ABLIM1: variants seen among roughly 807,000 people sequenced by gnomAD.
ABLIM1 encodes actin-binding LIM protein 1.
ABLIM1 carries 40 observed loss-of-function variants against 107.0 expected under a neutral mutation model. The ratio of observed to expected loss-of-function variants is 0.37; its 90% CI spans 0.29 to 0.49. The LOEUF is 0.49. Ranked by LOEUF, ABLIM1 falls within the 20% of genes least tolerant of loss-of-function variation. The pLI, the probability that ABLIM1 is intolerant of heterozygous loss-of-function variation, is 0.97. For synonymous variants in ABLIM1, 357 were observed against 357.3 expected (o/e 1.00, Z 0.01); for missense variants, 857 against 1,008.5 (o/e 0.85, Z 2.04).
At chr10:114,440,766 G>A (rs2139144547) in intron 19 of ABLIM1, 5 of 591,780 alleles carry the variant, frequency 8.4e-6, no homozygotes, top group South Asian at 7.8e-5. Flanking sequence ...TGGCCTCTAG[G>A]TATCTGATAG....
rs11380542 is a variant in ABLIM1, at chr10:114,463,573, G to GTT, written c.1441+2123_1441+2124dup. 4.7e-4 allele frequency among the ~76,000 whole-genome samples: 71 copies of GTT among 150,422 alleles called. 1 individual carries two copies. The highest frequency in any genetic ancestry group is 9.0e-4 in the African/African-American group (37 of 41,024). ...CATTGTATTTATATGTAAGGGTCAGGTTTTTTTTTTCTTAAGCAAACATCC... is the reference window on the plus strand; with the variant it reads ...CATTGTATTTATATGTAAGGGTCAGGTTTTTTTTTTTTCTTAAGCAAACATCC... On this transcript the variant is annotated intron_variant, in intron 12 of 22. Coordinates refer to ENST00000533213, the MANE Select transcript of ABLIM1 (RefSeq NM_002313.7).
chr10:114,439,954 T>C, intron 20 of ABLIM1, 128 bp downstream of exon 20: 1 of 1,497,620 alleles, frequency 6.7e-7, no homozygotes, highest in Non-Finnish European at 9.1e-7. Context: ...TATAGAGTAA[T>C]GACTAGAGAG....
chr10:114,668,759 G>A (rs1272313549), intron 1 of ABLIM1, among the ~76,000 whole-genome samples: 1 of 152,194 alleles, frequency 6.6e-6, no homozygotes, highest in African/African-American at 2.4e-5. Flanking sequence ...GTGGAAAGAG[G>A]TAACAATGAG....
intron 4 of ABLIM1, among the ~76,000 whole-genome samples, chr10:114,565,306 A>G (rs925239752): frequency 6.6e-6 from 1 of 152,270 alleles, no homozygotes; most frequent in Non-Finnish European, 1.5e-5. Flanking sequence ...ATACTGGTAG[A>G]AAATATCAAA....
At chr10:114,705,232 G>A (rs74581517) in intron 1 of ABLIM1, among the ~76,000 whole-genome samples, 2,561 of 152,228 alleles carry the variant, frequency 0.017, 72 homozygotes, top group African/African-American at 0.057. Context: ...CAAGAAGTAC[G>A]AAGAATTCTG....
At chr10:114,743,461 A>G (rs1390037017) in intron 1 of ABLIM1, among the ~76,000 whole-genome samples, 2 of 152,248 alleles carry the variant, frequency 1.3e-5, no homozygotes, top group Non-Finnish European at 2.9e-5. Flanking sequence ...TAAATTAGAT[A>G]TAACCATCTT....
At chr10:114,489,326 A>C (rs2058625114) in intron 7 of ABLIM1, among the ~76,000 whole-genome samples, 1 of 152,172 alleles carries the variant, frequency 6.6e-6, no homozygotes, top group Non-Finnish European at 1.5e-5. Context: ...CAAAATCTTT[A>C]TCTCTTTTAA....
intron 1 of ABLIM1, among the ~76,000 whole-genome samples, chr10:114,721,494 T>C (rs1566273331): frequency 6.6e-6 from 1 of 152,100 alleles, no homozygotes; most frequent in Non-Finnish European, 1.5e-5. Flanking sequence ...CAGATAATTT[T>C]TTTTTTTGAG....
At chr10:114,631,525 T>A (rs1484737166) in intron 1 of ABLIM1, among the ~76,000 whole-genome samples, 1 of 152,134 alleles carries the variant, frequency 6.6e-6, no homozygotes, top group African/African-American at 2.4e-5. Context: ...GGCCCTTTCA[T>A]GACACATCTT....
intron 12 of ABLIM1, chr10:114,462,905 G>A (rs2064244617): frequency 2.2e-6 from 2 of 909,382 alleles, no homozygotes; most frequent in Non-Finnish European, 3.1e-6. Context: ...CAACTGTTGG[G>A]TATAGTCATG....
At chr10:114,684,753 C>T (rs1225371007) in exon 1 of ABLIM1, 2 of 998,358 alleles carry the variant, frequency 2.0e-6, no homozygotes, top group Non-Finnish European at 2.4e-6. Context: ...ATCCAGAATC[C>T]AGATTTTGAT....
intron 10 of ABLIM1, among the ~76,000 whole-genome samples, chr10:114,469,811 T>A (rs1450950294): frequency 6.6e-6 from 1 of 152,214 alleles, no homozygotes; most frequent in Non-Finnish European, 1.5e-5. Context: ...ATGTTTACAA[T>A]TAAAATGCAA....
At chr10:114,662,791 C>T (rs1566199104), upstream of ABLIM1, among the ~76,000 whole-genome samples, 1 of 152,226 alleles carries the variant, frequency 6.6e-6, no homozygotes, top group Non-Finnish European at 1.5e-5. Flanking sequence ...CCATGGCACT[C>T]TGAGGACTGA....
Position 114,641,556 on chromosome 10 carries a change from A to G in ABLIM1, c.244+16401T>C, listed in dbSNP as rs2497687. Among the ~76,000 whole-genome samples the G allele has an allele frequency of 6.9e-3, 1,048 of 152,332 alleles. 10 individuals carry two copies. Among genetic ancestry groups the G allele is most frequent in the African/African-American group, 0.024 (983 of 41,566 alleles). On this transcript the variant is annotated intron_variant, in intron 1 of 22. Coordinates refer to ENST00000533213, the MANE Select transcript of ABLIM1 (RefSeq NM_002313.7). ...GAAAGCGGTAAGTACTATGAAGAAA[A>G]GCAAGGCCAGGGACAGAGACTGCTA...
intron 6 of ABLIM1, among the ~76,000 whole-genome samples, chr10:114,493,792 A>G (rs867326684): frequency 6.6e-6 from 1 of 152,240 alleles, no homozygotes; most frequent in Admixed American, 6.5e-5. Flanking sequence ...ATATTTCTAG[A>G]TGGAGAAACT....
At chr10:114,561,545 T>C (rs897290895) in intron 4 of ABLIM1, among the ~76,000 whole-genome samples, 1 of 152,222 alleles carries the variant, frequency 6.6e-6, no homozygotes, top group Non-Finnish European at 1.5e-5. Context: ...TCTCTCTCCC[T>C]TCCTAGAGGC....
At chr10:114,535,512 T>C (rs2065906738) in intron 6 of ABLIM1, among the ~76,000 whole-genome samples, 1 of 152,170 alleles carries the variant, frequency 6.6e-6, no homozygotes, top group Non-Finnish European at 1.5e-5. Flanking sequence ...GGTTTCGCCA[T>C]GTTGGCCAGG....
At position 114,547,701 on chromosome 10, in the gene ABLIM1, C is replaced by G. The variant is rs2067531162; in HGVS notation, c.749G>C (p.Cys250Ser). The change falls in exon 5 of 23, where the codon TGC (cysteine) becomes TCC (serine). Residue 250 changes from cysteine to serine, a missense_variant. Physicochemically the swap from Cys to Ser is moderately radical, Grantham distance 112 (BLOSUM62 -1). Coordinates refer to ENST00000533213, the MANE Select transcript of ABLIM1 (RefSeq NM_002313.7). ...CTTCCCGCAGGACTTGCATTTAAAG[C>G]ACCCCAAGTGCCACTGCTTATCCAG... The part of the protein sequence containing the change: ...LALDKQWHLG[C>S]FKCKSCGKVL... The G allele has an allele frequency of 5.6e-6, 9 of 1,613,692 alleles. No individual in the cohort carries two copies. The highest frequency in any genetic ancestry group is 6.8e-6 in the Non-Finnish European group (8 of 1,180,046).
chr10:114,451,780 C>T (rs1248510467), intron 13 of ABLIM1, 109 bp from the exon 14 acceptor site: 1 of 922,400 alleles, frequency 1.1e-6, no homozygotes, highest in African/African-American at 1.7e-5. Flanking sequence ...CAAAAACAAC[C>T]CAGAAGGTTA....
Sources: gnomAD v4.1 joint callset for allele counts (sites outside exome capture counted in the v4.1 genomes callset) on GRCh38, gnomAD v4.1.1 for gene constraint, MANE v1.5 for transcripts, NCBI Gene and HGNC (gene_info 2026-07-23, HGNC 2026-07-21) for gene names.